Variants in ARHGAP29 observed in about 807,000 individuals in gnomAD.
ARHGAP29 encodes the protein rho GTPase-activating protein 29.
A neutral mutation model predicts 122.6 loss-of-function variants in ARHGAP29; 43 were observed. That is an observed-to-expected ratio of 0.35 (90% confidence interval 0.27 to 0.45). The LOEUF is 0.45. Ranked by LOEUF, ARHGAP29 falls within the 20% of genes least tolerant of loss-of-function variation. The pLI is 1.00. For synonymous variants in ARHGAP29, 506 were observed against 497.1 expected (o/e 1.02, Z -0.24); for missense variants, 1,303 against 1,477.2 (o/e 0.88, Z 1.93).
chr1:94,258,485 A>G (rs569414636), intron 1 of ARHGAP29, among the ~76,000 whole-genome samples: 16 of 152,338 alleles, frequency 1.1e-4, no homozygotes, highest in African/African-American at 3.1e-4. Context: ...TAGAAACTCT[A>G]GCTGATACCA....
At chr1:94,255,537 G>T (rs1195769378) in intron 1 of ARHGAP29, among the ~76,000 whole-genome samples, 1 of 152,212 alleles carries the variant, frequency 6.6e-6, no homozygotes, top group Non-Finnish European at 1.5e-5. Flanking sequence ...CTGTAGAAAT[G>T]TTAGTCCACC....
Position 94,248,931 on chromosome 1 carries a change from C to T in ARHGAP29, c.-32-17288G>A, listed in dbSNP as rs192855821. 9.2e-5 allele frequency among the ~76,000 whole-genome samples: 14 copies of T among 152,272 alleles called. No homozygotes were observed. The East Asian group carries it at 2.7e-3, about 29-fold the overall frequency. On this transcript the variant is annotated intron_variant and NMD_transcript_variant, in intron 1 of 25. Transcript: ENST00000552844. The stretch of plus-strand genomic sequence containing the variant: ...TCTTCGCCATGTTGCCCAGGCTGGT[C>T]TCAAACTCCTGGCCTCAAGGGATCC...
At chr1:94,195,906 G>C (rs1351714046) in intron 12 of ARHGAP29, 2 of 152,028 alleles carry the variant, frequency 1.3e-5, no homozygotes, top group African/African-American at 4.8e-5. Context: ...AGTATAAAAA[G>C]AGACACATTT....
At chr1:94,218,626 T>A (rs1652100282) in intron 3 of ARHGAP29, among the ~76,000 whole-genome samples, 1 of 152,236 alleles carries the variant, frequency 6.6e-6, no homozygotes, top group Non-Finnish European at 1.5e-5. Flanking sequence ...AAATGGTACT[T>A]GTAAACAATC....
At chr1:94,249,566 C>CA (rs1267954910) in intron 1 of ARHGAP29, 3 of 152,118 alleles carry the variant, frequency 2.0e-5, no homozygotes, top group Non-Finnish European at 4.4e-5. Flanking sequence ...GCCTAACCAG[C>CA]ATGGAGAAAC....
At chr1:94,279,267 T>C (rs149064451), upstream of ARHGAP29, among the ~76,000 whole-genome samples, 323 of 152,318 alleles carry the variant, frequency 2.1e-3, 1 homozygote, top group African/African-American at 7.5e-3. Flanking sequence ...GCTTATAGTA[T>C]GAAGCAATAC....
In ARHGAP29 at chr1:94,171,381, T is replaced by G. The variant is rs150274044; in HGVS notation, c.*2488A>C. ...AGGTAAAACATGGCTAGGGAAGTTA[T>G]GATCAACCCTTCAGAAATGACTTCT... On this transcript the variant is annotated 3_prime_UTR_variant, in exon 23 of 23. Transcript: ENST00000260526. Among the ~76,000 whole-genome samples, 41 of 152,344 alleles carry G rather than the reference T, an allele frequency of 2.7e-4. No individual in the cohort carries two copies. The highest frequency in any genetic ancestry group is 8.7e-4 in the African/African-American group (36 of 41,590).
the ARHGAP29 span, among the ~76,000 whole-genome samples, chr1:94,312,411 G>A: frequency 9.0e-6 from 1 of 110,518 alleles, no homozygotes. Flanking sequence ...TAAGAAGAAT[G>A]AACAGAGATG....
upstream of ARHGAP29, among the ~76,000 whole-genome samples, chr1:94,239,213 G>C (rs947118652): frequency 2.6e-5 from 4 of 152,160 alleles, no homozygotes; most frequent in East Asian, 7.7e-4. Context: ...GGAGTCCCCA[G>C]GCCAAGGGGA....
At position 94,184,929 on chromosome 1, in the gene ARHGAP29, G is replaced by T; in HGVS notation, c.2052C>A (p.Ile684=). The stretch of plus-strand genomic sequence containing the variant: ...AGGCACATATTTTGAGTATAAAAGG[G>T]ATACCATCTGGTTCCTTTTTTGCAA... ...TQVAKKEPDG[I]PFILKICASE... Residue 684 remains isoleucine, a synonymous_variant, in exon 18 of 23, where the codon ATC becomes ATA. Transcript: ENST00000260526. 1 of 1,613,242 alleles carries T rather than the reference G, an allele frequency of 6.2e-7. No individual in the cohort carries two copies. The highest frequency in any genetic ancestry group is 1.3e-5 in the African/African-American group (1 of 74,992).
intron 1 of ARHGAP29, among the ~76,000 whole-genome samples, chr1:94,236,180 A>C (rs942344481): frequency 6.6e-6 from 1 of 152,240 alleles, no homozygotes; most frequent in Non-Finnish European, 1.5e-5. Context: ...GACATGTGAG[A>C]AAGAGTTTTA....
At chr1:94,212,294 GA>G (rs566340894) in intron 3 of ARHGAP29, among the ~76,000 whole-genome samples, 3 of 151,966 alleles carry the variant, frequency 2.0e-5, no homozygotes, top group South Asian at 2.1e-4. Flanking sequence ...GAATAAAAAT[GA>G]AAAAAACAAC....
At chr1:94,244,098 A>C (rs1653702524) in intron 1 of ARHGAP29, among the ~76,000 whole-genome samples, 1 of 151,994 alleles carries the variant, frequency 6.6e-6, no homozygotes, top group Non-Finnish European at 1.5e-5. Context: ...AACCAGATAA[A>C]ATAATCCTAT....
At chr1:94,218,557 T>C (rs1652094954) in intron 3 of ARHGAP29, among the ~76,000 whole-genome samples, 1 of 152,202 alleles carries the variant, frequency 6.6e-6, no homozygotes, top group African/African-American at 2.4e-5. Context: ...TAGGTCGCTA[T>C]TTCCAAGCAT....
At chr1:94,285,607 G>A in the ARHGAP29 span, among the ~76,000 whole-genome samples, 1 of 151,932 alleles carries the variant, frequency 6.6e-6, no homozygotes, top group Admixed American at 6.6e-5. Flanking sequence ...AGAAAAAGAA[G>A]TACATTCGCC....
the ARHGAP29 span, among the ~76,000 whole-genome samples, chr1:94,290,030 C>A: frequency 6.6e-6 from 1 of 152,180 alleles, no homozygotes; most frequent in East Asian, 1.9e-4. Context: ...AGGATTCCCT[C>A]TTTTTCTATT....
At chr1:94,210,343 G>C (rs1218847720) in intron 3 of ARHGAP29, among the ~76,000 whole-genome samples, 1 of 152,170 alleles carries the variant, frequency 6.6e-6, no homozygotes, top group East Asian at 1.9e-4. Context: ...TAAAAACAAA[G>C]TCTGGGTCCC....
chr1:94,215,248 T>C (rs1416672026), intron 3 of ARHGAP29, among the ~76,000 whole-genome samples: 2 of 151,550 alleles, frequency 1.3e-5, no homozygotes, highest in African/African-American at 2.4e-5. Flanking sequence ...TATTCTTGGA[T>C]AGAAATACTA....
chr1:94,179,347 G>A (rs941556838), intron 20 of ARHGAP29, among the ~76,000 whole-genome samples: 8 of 152,112 alleles, frequency 5.3e-5, no homozygotes, highest in African/African-American at 1.9e-4. Flanking sequence ...TGTAATCCCA[G>A]CACTTTGGGA....
Sources: allele counts gnomAD v4.1 joint callset (sites outside exome capture counted in the v4.1 genomes callset), GRCh38; gene constraint gnomAD v4.1.1; transcripts MANE v1.5; gene names NCBI Gene and HGNC (gene_info 2026-07-23, HGNC 2026-07-21).